Variants in ZNF521 observed in about 807,000 individuals in gnomAD.
The protein encoded by ZNF521 is LYST-interacting protein 3.
In ZNF521, 14 loss-of-function variants were observed where a neutral mutation model predicts 105.5. The ratio of observed to expected loss-of-function variants is 0.13; its 90% CI spans 0.09 to 0.21. ZNF521 has a LOEUF of 0.21. Among genes scored for constraint, ZNF521 ranks in the 10% least tolerant of loss-of-function variants. The pLI is 1.00. For missense variants in ZNF521, 1,233 were observed against 1,629.7 expected, an observed-to-expected ratio of 0.76 and a Z score of 4.19; for synonymous variants, 635 against 606.0, an observed-to-expected ratio of 1.05 and a Z score of -0.70.
chr18:25,151,103 T>C lies in ZNF521; in HGVS notation c.3658+44057A>G, dbSNP rs896622905. The stretch of plus-strand genomic sequence containing the variant: ...CCGCACCTGGCCCTGATCCAGGTCT[T>C]ATGTTGCTCCCCTGACTAAAATCTG... On this transcript the variant is annotated intron_variant, in intron 5 of 7. Coordinates refer to ENST00000361524, the MANE Select transcript of ZNF521 (RefSeq NM_015461.3). 3.9e-5 allele frequency among the ~76,000 whole-genome samples: 6 copies of C among 152,064 alleles called. No homozygotes were observed. The South Asian group carries it at 1.2e-3, about 32-fold the overall frequency.
chr18:25,227,396 G>A lies in ZNF521; in HGVS notation c.522C>T (p.Tyr174=), dbSNP rs746171566. 1.2e-6 allele frequency: 2 copies of A among 1,614,158 alleles called. No individual in the cohort carries two copies. Among genetic ancestry groups the A allele is most frequent in the Admixed American group, 3.3e-5 (2 of 60,030 alleles). ...ACGCAGCATCACATTCACTGCAGTG[G>A]TACTTCTTGTCCCCGGTGTGGAGTT... The part of the protein sequence containing the change: ...HIKLHTGDKK[Y]HCSECDAAFS... The change falls in exon 4 of 8, where the codon TAC becomes TAT. Residue 174 remains tyrosine, a synonymous_variant. Coordinates refer to ENST00000361524, the MANE Select transcript of ZNF521 (RefSeq NM_015461.3). This position sits in a 1 kb window ranked among gnomAD's most constrained non-coding sequence, Gnocchi z 5.7.
At position 25,144,274 on chromosome 18, in the gene ZNF521, G is replaced by A. The variant is rs547549324; in HGVS notation, c.3658+50886C>T. On this transcript the variant is annotated intron_variant, in intron 5 of 7. Coordinates refer to ENST00000361524, the MANE Select transcript of ZNF521 (RefSeq NM_015461.3). ...AGAGACAAAAGACATTTTGCATAAT[G>A]CTTCTGTGAGCGCACTCTCTCTTGC... is the stretch of plus-strand genomic sequence containing the variant. Among the ~76,000 whole-genome samples the A allele has an allele frequency of 5.3e-5, 8 of 152,178 alleles. No homozygotes were observed. In the East Asian group the frequency reaches 1.5e-3, roughly 29 times the overall value.
At chr18:25,208,793 C>T (rs2036126869) in intron 4 of ZNF521, among the ~76,000 whole-genome samples, 1 of 152,214 alleles carries the variant, frequency 6.6e-6, no homozygotes, top group Non-Finnish European at 1.5e-5. Context: ...CCCACACCCA[C>T]CTCAGCCTCC....
intron 5 of ZNF521, among the ~76,000 whole-genome samples, chr18:25,112,040 C>T (rs1200880384): frequency 6.6e-6 from 1 of 152,120 alleles, no homozygotes; most frequent in Non-Finnish European, 1.5e-5. Flanking sequence ...CTCTGGAAAC[C>T]AAATCTGCAG....
At chr18:25,162,118 C>T (rs1827709142) in intron 5 of ZNF521, among the ~76,000 whole-genome samples, 1 of 152,166 alleles carries the variant, frequency 6.6e-6, no homozygotes, top group African/African-American at 2.4e-5. Flanking sequence ...AACCTATTTT[C>T]CTTCCTCTGT....
At chr18:25,181,913 G>A (rs1033776921) in intron 5 of ZNF521, among the ~76,000 whole-genome samples, 19 of 152,114 alleles carry the variant, frequency 1.2e-4, no homozygotes, top group African/African-American at 3.9e-4. Flanking sequence ...TAAGGAAACT[G>A]GTGTAAATGA....
At chr18:25,248,455 A>C (rs1397984349) in intron 3 of ZNF521, among the ~76,000 whole-genome samples, 1 of 152,248 alleles carries the variant, frequency 6.6e-6, no homozygotes, top group Non-Finnish European at 1.5e-5. Flanking sequence ...TCATTTATGC[A>C]GTGGCAGTCT....
intron 3 of ZNF521, among the ~76,000 whole-genome samples, chr18:25,269,631 GA>G (rs1600236238): frequency 1.3e-5 from 2 of 152,274 alleles, no homozygotes; most frequent in East Asian, 3.9e-4. Context: ...TCAGAATTAA[GA>G]AACTCACTCA....
intron 3 of ZNF521, among the ~76,000 whole-genome samples, chr18:25,271,477 A>C (rs1600238988): frequency 6.6e-6 from 1 of 152,234 alleles, no homozygotes; most frequent in Admixed American, 6.5e-5. Flanking sequence ...CTAAGCAAAA[A>C]GAACAAAGCT....
chr18:25,273,214 T>A (rs1909786136), intron 3 of ZNF521, among the ~76,000 whole-genome samples: 1 of 48,966 alleles, frequency 2.0e-5, no homozygotes, highest in South Asian at 1.0e-3. Flanking sequence ...AGTGAAACCC[T>A]GTCTCCAAAA....
At chr18:25,326,395 T>C (rs1414608325) in intron 2 of ZNF521, among the ~76,000 whole-genome samples, 6 of 152,202 alleles carry the variant, frequency 3.9e-5, no homozygotes. Flanking sequence ...GATCATGTGG[T>C]TATAATTATT....
At chr18:25,180,204 A>G (rs1307884058) in intron 5 of ZNF521, among the ~76,000 whole-genome samples, 1 of 152,206 alleles carries the variant, frequency 6.6e-6, no homozygotes, top group Non-Finnish European at 1.5e-5. Context: ...ATGTATCCTT[A>G]TAAGATAATG....
chr18:25,086,537 T>A (rs72881237), intron 7 of ZNF521, among the ~76,000 whole-genome samples: 4,146 of 152,226 alleles, frequency 0.027, 100 homozygotes, highest in Middle Eastern at 0.11. Flanking sequence ...TAGACCCACA[T>A]AGAGATTCCA....
chr18:25,309,588 C>A (rs952857439), intron 3 of ZNF521, among the ~76,000 whole-genome samples: 12 of 152,080 alleles, frequency 7.9e-5, no homozygotes, highest in African/African-American at 2.4e-4. Context: ...GACCATACAG[C>A]CACAAGACAT....
chr18:25,266,714 C>T (rs187350706), intron 3 of ZNF521, among the ~76,000 whole-genome samples: 58 of 152,230 alleles, frequency 3.8e-4, no homozygotes, highest in African/African-American at 1.3e-3. Context: ...TGGTGCACTC[C>T]GGCCCAGATA....
chr18:25,248,275 C>A (rs1450728667), intron 3 of ZNF521, among the ~76,000 whole-genome samples: 1 of 152,126 alleles, frequency 6.6e-6, no homozygotes, highest in East Asian at 1.9e-4. Context: ...GCAACAACAC[C>A]TCTGAATCTG....
At chr18:25,131,838 G>A (rs964529478) in intron 5 of ZNF521, among the ~76,000 whole-genome samples, 1 of 152,016 alleles carries the variant, frequency 6.6e-6, no homozygotes, top group Non-Finnish European at 1.5e-5. Context: ...ATACACCAGA[G>A]GATTATTCCA....
chr18:25,164,685 T>G (rs145162547), intron 5 of ZNF521, among the ~76,000 whole-genome samples: 1 of 152,256 alleles, frequency 6.6e-6, no homozygotes, highest in Admixed American at 6.5e-5. Flanking sequence ...TCAGACTATG[T>G]GTGAAAAAGG....
At chr18:25,271,841 A>C (rs954723017) in intron 3 of ZNF521, among the ~76,000 whole-genome samples, 1 of 152,242 alleles carries the variant, frequency 6.6e-6, no homozygotes. Context: ...ACCATTCAGG[A>C]TATAGGCATG....
Sources: gnomAD v4.1 joint callset for allele counts (sites outside exome capture counted in the v4.1 genomes callset) on GRCh38, gnomAD v4.1.1 for gene constraint, Gnocchi (gnomAD v3.1) non-coding constraint, MANE v1.5 for transcripts, NCBI Gene and HGNC (gene_info 2026-07-23, HGNC 2026-07-21) for gene names.